Variants in LRCH1 observed in about 807,000 individuals in gnomAD.
LRCH1 encodes leucine rich repeats and calponin homology domain containing 1, also known as leucine-rich repeat and calponin homology domain-containing protein 1.
A neutral mutation model predicts 94.9 loss-of-function variants in LRCH1; 23 were observed. The observed-to-expected ratio is 0.24, with a 90% confidence interval of 0.17 to 0.34. LRCH1 has a LOEUF of 0.34. LRCH1 is among the 10% of genes least tolerant of loss of function. LRCH1 has a pLI of 1.00. For synonymous variants in LRCH1, 364 were observed against 354.9 expected (o/e 1.03, Z -0.29); for missense variants, 790 against 945.9 (o/e 0.84, Z 2.16).
chr13:46,642,513 C>A (rs570864173), intron 1 of LRCH1, among the ~76,000 whole-genome samples: 9 of 152,308 alleles, frequency 5.9e-5, no homozygotes, highest in Middle Eastern at 3.4e-3. Context: ...AAAAGCCCCA[C>A]AAATTTTCTG....
intron 3 of LRCH1, among the ~76,000 whole-genome samples, chr13:46,672,370 A>ATGGG (rs2051612426): frequency 6.6e-6 from 1 of 151,674 alleles, no homozygotes; most frequent in Admixed American, 6.6e-5. Context: ...TCCCGTGCAG[A>ATGGG]TGGGTGGCAC....
In LRCH1 at chr13:46,711,784, T is replaced by C. The variant is rs1384554825; in HGVS notation, c.1528-7T>C. 6.2e-7 allele frequency: 1 copy of C among 1,611,674 alleles called. No individual in the cohort carries two copies. Among genetic ancestry groups the C allele is most frequent in the Non-Finnish European group, 8.5e-7 (1 of 1,178,568 alleles). On this transcript the variant is annotated splice_polypyrimidine_tract_variant and splice_region_variant and intron_variant, in intron 13 of 19. Coordinates refer to ENST00000389797, the MANE Select transcript of LRCH1 (RefSeq NM_001164211.2). ...GAACATACCATGCTTTGTTCTTCTT[T>C]TTTAAGGTGCAAAGTGATCTAACAT...
At chr13:46,701,348 G>C (rs1871461628) in intron 11 of LRCH1, 141 bp downstream of exon 11, 1 of 567,916 alleles carries the variant, frequency 1.8e-6, no homozygotes, top group Admixed American at 3.5e-5. Context: ...CATGTTTATT[G>C]CCTGTTTTCC....
rs1167626860 is a variant in LRCH1 at position 46,692,550 on chromosome 13, C to T, written c.1029C>T (p.Asp343=). The change falls in exon 8 of 20, where the codon GAC becomes GAT. Residue 343 remains aspartate, a synonymous_variant. Transcript: ENST00000389797. ...RLSATEPSDE[D]TVSLNVPMSN... is the part of the protein sequence containing the mutation. ...TATCTTTTTAGCCTTCTGACGAAGACACTGTTAGCCTCAATGTGCCAATGT... is the reference window on the plus strand; with the variant it reads ...TATCTTTTTAGCCTTCTGACGAAGATACTGTTAGCCTCAATGTGCCAATGT... The T allele has an allele frequency of 1.2e-6, 2 of 1,613,394 alleles. No homozygotes were observed. The highest frequency in any genetic ancestry group is 1.7e-6 in the Non-Finnish European group (2 of 1,179,498).
intron 1 of LRCH1, among the ~76,000 whole-genome samples, chr13:46,596,761 C>T (rs1012117205): frequency 6.6e-6 from 1 of 152,142 alleles, no homozygotes; most frequent in African/African-American, 2.4e-5. Context: ...CGCAAAGTTA[C>T]GCAGGTGGTA....
Position 46,679,253 on chromosome 13 carries a change from A to G in LRCH1, c.580-2488A>G, listed in dbSNP as rs184320333. On this transcript the variant is annotated intron_variant, in intron 3 of 19. Transcript: ENST00000389797. Reference sequence around the variant, plus strand: ...GAAGGATTTGATTTCCTGCATTTCTAGGACTCACCTGTGTGGTATTTGTGT... The same window carrying G: ...GAAGGATTTGATTTCCTGCATTTCTGGGACTCACCTGTGTGGTATTTGTGT... Among the ~76,000 whole-genome samples the G allele has an allele frequency of 4.6e-5, 7 of 152,322 alleles. No individual in the cohort carries two copies. In the South Asian group the frequency reaches 1.0e-3, roughly 23 times the overall value.
intron 16 of LRCH1, among the ~76,000 whole-genome samples, chr13:46,719,314 G>T (rs959429102): frequency 6.6e-6 from 1 of 152,180 alleles, no homozygotes; most frequent in African/African-American, 2.4e-5. Flanking sequence ...TCATTTACTC[G>T]TTCAACAAAC....
chr13:46,714,982 A>G (rs1042984909), intron 15 of LRCH1, among the ~76,000 whole-genome samples: 2 of 152,254 alleles, frequency 1.3e-5, no homozygotes. Flanking sequence ...AGATTCAGCT[A>G]TCTATAAAGC....
chr13:46,681,649 C>T, intron 3 of LRCH1, 92 bp from the exon 4 acceptor site: 1 of 869,622 alleles, frequency 1.1e-6, no homozygotes. Flanking sequence ...TGTAGTTGTC[C>T]AAATATTTAA....
chr13:46,741,843 G>A lies in LRCH1; in HGVS notation c.2287G>A (p.Ala763Thr), dbSNP rs777264388. 10 of 1,613,796 alleles carry A rather than the reference G, an allele frequency of 6.2e-6. No homozygotes were observed. The highest frequency in any genetic ancestry group is 2.2e-5 in the East Asian group (1 of 44,880). The change falls in exon 20 of 20, where the codon GCA (alanine) becomes ACA (threonine). Residue 763 changes from alanine (A) to threonine (T), a missense_variant. Coordinates refer to ENST00000389797, the MANE Select transcript of LRCH1 (RefSeq NM_001164211.2). The stretch of plus-strand genomic sequence containing the variant: ...CACTTACCACTGGAATGCTCTGTCC[G>A]CATAATGTCTGCACGTGCATCCAAA... ...YITYHWNALS[A>T]
At chr13:46,750,513 T>G in intron 18 of LRCH1, 1 of 1,441,832 alleles carries the variant, frequency 6.9e-7, no homozygotes, top group Non-Finnish European at 9.5e-7. Context: ...CATCTAAAAA[T>G]TGATGTTTTA....
At chr13:46,661,136 C>T (rs776646436) in intron 2 of LRCH1, among the ~76,000 whole-genome samples, 3 of 152,036 alleles carry the variant, frequency 2.0e-5, no homozygotes, top group Non-Finnish European at 2.9e-5. Context: ...TTTACCTGTA[C>T]GTTTTATTCC....
At chr13:46,658,422 C>T (rs764629906) in intron 2 of LRCH1, among the ~76,000 whole-genome samples, 4 of 152,082 alleles carry the variant, frequency 2.6e-5, no homozygotes, top group Non-Finnish European at 4.4e-5. Flanking sequence ...TTAATCACTC[C>T]CAGGCTTTTC....
In LRCH1 at chr13:46,673,866, C is replaced by T. The variant is rs183921508; in HGVS notation, c.579+4710C>T. Among the ~76,000 whole-genome samples the T allele has an allele frequency of 3.1e-3, 473 of 152,030 alleles. 6 individuals carry two copies. The highest frequency in any genetic ancestry group is 0.011 in the African/African-American group (454 of 41,482). ...CACAATCTCTGCTCACTGCAGGCTCCGCCTCCCAGGTTCAAGCAATTCTCC... is the reference window on the plus strand; with the variant it reads ...CACAATCTCTGCTCACTGCAGGCTCTGCCTCCCAGGTTCAAGCAATTCTCC... On this transcript the variant is annotated intron_variant, in intron 3 of 19. Coordinates refer to ENST00000389797, the MANE Select transcript of LRCH1 (RefSeq NM_001164211.2).
At chr13:46,607,155 G>A (rs1231231333) in intron 1 of LRCH1, among the ~76,000 whole-genome samples, 1 of 152,198 alleles carries the variant, frequency 6.6e-6, no homozygotes, top group African/African-American at 2.4e-5. Flanking sequence ...AGATAAGGAG[G>A]TGGCTCAGCT....
At chr13:46,719,869 G>A (rs1049050807) in intron 16 of LRCH1, among the ~76,000 whole-genome samples, 1 of 151,570 alleles carries the variant, frequency 6.6e-6, no homozygotes, top group Admixed American at 6.6e-5. Flanking sequence ...GTGGTGGCAG[G>A]CACCTGTAAT....
chr13:46,617,623 A>C (rs2050826584), intron 1 of LRCH1, among the ~76,000 whole-genome samples: 1 of 152,156 alleles, frequency 6.6e-6, no homozygotes, highest in Non-Finnish European at 1.5e-5. Flanking sequence ...TCTTTGCTAG[A>C]GGGAATTTGG....
chr13:46,615,340 C>T (rs1213941487), intron 1 of LRCH1, among the ~76,000 whole-genome samples: 1 of 152,078 alleles, frequency 6.6e-6, no homozygotes, highest in African/African-American at 2.4e-5. Flanking sequence ...GAGGAGGGGC[C>T]TTGCTCTTTT....
At chr13:46,653,975 T>C (rs1310680030) in intron 2 of LRCH1, among the ~76,000 whole-genome samples, 1 of 152,240 alleles carries the variant, frequency 6.6e-6, no homozygotes, top group Non-Finnish European at 1.5e-5. Context: ...CTTCTAGGAA[T>C]TGGACCCTTG....
Sources: gnomAD v4.1 joint callset for allele counts (sites outside exome capture counted in the v4.1 genomes callset) on GRCh38, gnomAD v4.1.1 for gene constraint, MANE v1.5 for transcripts, NCBI Gene and HGNC (gene_info 2026-07-23, HGNC 2026-07-21) for gene names.